Variants in ERICH6B observed in about 807,000 individuals in gnomAD.
ERICH6B encodes glutamate rich 6B.
ERICH6B carries 69 observed loss-of-function variants against 80.0 expected under a neutral mutation model. That is an observed-to-expected ratio of 0.86 (90% CI 0.71 to 1.05). The LOEUF (loss-of-function observed/expected upper bound fraction) is 1.05. Among genes scored for constraint, ERICH6B ranks in the 50% least tolerant of loss-of-function variants. The probability of loss-of-function intolerance (pLI) is 0.00; values close to 1 mark genes in which losing one functional copy is unlikely to be tolerated. For missense variants in ERICH6B, 754 were observed against 796.1 expected (o/e 0.95, Z 0.64); for synonymous variants, 283 against 291.9 (o/e 0.97, Z 0.31).
intron 2 of ERICH6B, among the ~76,000 whole-genome samples, chr13:45,599,909 G>A (rs182081633): frequency 2.0e-5 from 3 of 152,218 alleles, no homozygotes. Flanking sequence ...AATGGAAGCT[G>A]TGCCTGCAGT....
chr13:45,556,819 C>T (rs1874461345), intron 11 of ERICH6B, among the ~76,000 whole-genome samples: 1 of 151,966 alleles, frequency 6.6e-6, no homozygotes. Flanking sequence ...ACCACAGTTT[C>T]TTTATCCGCT....
At chr13:45,583,852 T>A (rs1185761484) in intron 5 of ERICH6B, among the ~76,000 whole-genome samples, 1 of 152,216 alleles carries the variant, frequency 6.6e-6, no homozygotes, top group East Asian at 1.9e-4. Context: ...CATCTTTTTC[T>A]TTATAAATTA....
chr13:45,574,462 C>G (rs1282704812), intron 8 of ERICH6B, among the ~76,000 whole-genome samples: 1 of 152,198 alleles, frequency 6.6e-6, no homozygotes, highest in African/African-American at 2.4e-5. Context: ...GGAGAGCACC[C>G]TTTTGAATTT....
At chr13:45,558,391 G>A (rs951808077) in intron 11 of ERICH6B, among the ~76,000 whole-genome samples, 20 of 152,188 alleles carry the variant, frequency 1.3e-4, no homozygotes, top group African/African-American at 4.6e-4. Flanking sequence ...AACAGTGACA[G>A]TTTGGCTTCC....
intron 11 of ERICH6B, among the ~76,000 whole-genome samples, chr13:45,560,900 G>A (rs538141685): frequency 6.6e-6 from 1 of 152,272 alleles, no homozygotes; most frequent in Admixed American, 6.5e-5. Context: ...TTGTTAGGGG[G>A]ATGGATCTAT....
rs747567399 is a variant in ERICH6B, at chr13:45,541,525, G to A, written c.2028C>T (p.Ala676=). 7.7e-6 allele frequency: 12 copies of A among 1,552,036 alleles called. No individual in the cohort carries two copies. Among genetic ancestry groups the A allele is most frequent in the Middle Eastern group, 1.7e-4 (1 of 5,996 alleles). ...TGTTGTCCATCAGTGATATACTGAC[G>A]GCCTCTATGAAGTTTTCCAGATCAG... ...TTPDLENFIE[A]VSISLMDNKY... The change falls in exon 15 of 15, where the codon GCC becomes GCT. Residue 676 remains alanine, a synonymous_variant. Transcript: ENST00000298738.
At chr13:45,547,059 G>A (rs772163985) in intron 13 of ERICH6B, among the ~76,000 whole-genome samples, 10 of 152,178 alleles carry the variant, frequency 6.6e-5, no homozygotes, top group African/African-American at 1.9e-4. Context: ...CCAGACTCTC[G>A]GTTCAAAGTC....
chr13:45,594,605 A>G (rs948697562), intron 3 of ERICH6B, among the ~76,000 whole-genome samples: 13 of 152,224 alleles, frequency 8.5e-5, no homozygotes, highest in Non-Finnish European at 1.3e-4. Flanking sequence ...CTCCAATGCA[A>G]CAACTAAATT....
chr13:45,611,034 G>A (rs1224182910), intron 1 of ERICH6B, among the ~76,000 whole-genome samples: 1 of 151,960 alleles, frequency 6.6e-6, no homozygotes, highest in Admixed American at 6.6e-5. Context: ...ATGTTGAGTT[G>A]GATAGTTAAT....
At chr13:45,541,752 TCTC>T in intron 14 of ERICH6B, 72 bp from the exon 15 acceptor site, 2 of 1,404,334 alleles carry the variant, frequency 1.4e-6, no homozygotes, top group East Asian at 2.5e-5. Flanking sequence ...CCAGGCCAGA[TCTC>T]CTGTGGCCAG....
intron 8 of ERICH6B, among the ~76,000 whole-genome samples, chr13:45,573,961 A>C (rs17066929): frequency 6.6e-6 from 1 of 152,154 alleles, no homozygotes; most frequent in Admixed American, 6.5e-5. Flanking sequence ...CCTTCATTGC[A>C]GTATTTCAGT....
At chr13:45,543,727 G>T (rs1873878958) in intron 14 of ERICH6B, among the ~76,000 whole-genome samples, 1 of 152,210 alleles carries the variant, frequency 6.6e-6, no homozygotes, top group South Asian at 2.1e-4. Context: ...AGTTTGTGCT[G>T]ATTTGTTCCA....
At chr13:45,590,580 C>T in intron 4 of ERICH6B, 69 bp downstream of exon 4, 2 of 1,448,028 alleles carry the variant, frequency 1.4e-6, no homozygotes, top group Non-Finnish European at 1.9e-6. Context: ...CTGTGTTCTC[C>T]AAGGGCTGCT....
chr13:45,544,641 G>A lies in ERICH6B; in HGVS notation c.1872+119C>T, dbSNP rs568546736. Reference sequence around the variant, plus strand: ...AACCAAAGTGGCCTTGTTTTTATACGGGTTGGCATATATAGAACAAGCCTG... The same window carrying A: ...AACCAAAGTGGCCTTGTTTTTATACAGGTTGGCATATATAGAACAAGCCTG... On this transcript the variant is annotated intron_variant, in intron 14 of 14. Coordinates refer to ENST00000298738, the MANE Select transcript of ERICH6B (RefSeq NM_182542.3). 385 of 774,020 alleles carry A rather than the reference G, an allele frequency of 5.0e-4. 4 individuals are homozygous for A. The highest frequency in any genetic ancestry group is 4.5e-3 in the African/African-American group (254 of 56,752). 47.9% of individuals were successfully genotyped at this position (774,020 alleles called of 1,614,324 possible). A position where few individuals can be genotyped will look rare whatever the true frequency, so the allele number is the denominator to read the frequency against.
intron 5 of ERICH6B, among the ~76,000 whole-genome samples, chr13:45,581,550 T>C (rs1456809126): frequency 6.6e-6 from 1 of 152,224 alleles, no homozygotes; most frequent in Non-Finnish European, 1.5e-5. Flanking sequence ...CTACTTTTTG[T>C]ATTTTTAGTA....
chr13:45,576,128 C>A (rs750038623), intron 7 of ERICH6B, among the ~76,000 whole-genome samples: 14 of 152,282 alleles, frequency 9.2e-5, no homozygotes, highest in Non-Finnish European at 2.1e-4. Flanking sequence ...ATTTTGGCTC[C>A]GTAGCAAAAA....
At chr13:45,585,583 G>T (rs1002271528) in intron 5 of ERICH6B, among the ~76,000 whole-genome samples, 1 of 152,128 alleles carries the variant, frequency 6.6e-6, no homozygotes, top group Admixed American at 6.5e-5. Flanking sequence ...CCAAGTAACT[G>T]CAGGAAACTG....
rs74070475 is a variant in ERICH6B, at chr13:45,555,006, G to C, written c.1408-4690C>G. Among the ~76,000 whole-genome samples the C allele has an allele frequency of 9.4e-3, 1,425 of 152,306 alleles. 24 individuals carry two copies. Among genetic ancestry groups the C allele is most frequent in the African/African-American group, 0.032 (1,341 of 41,554 alleles). On this transcript the variant is annotated intron_variant, in intron 11 of 14. Coordinates refer to ENST00000298738, the MANE Select transcript of ERICH6B (RefSeq NM_182542.3). ...AGCCCAACATGAATGGTAGGTGAGAGAGGATCCTCTGCTTAGAGATCTTGG... is the reference window on the plus strand; with the variant it reads ...AGCCCAACATGAATGGTAGGTGAGACAGGATCCTCTGCTTAGAGATCTTGG...
At chr13:45,557,014 A>G (rs1874470020) in intron 11 of ERICH6B, among the ~76,000 whole-genome samples, 1 of 152,176 alleles carries the variant, frequency 6.6e-6, no homozygotes, top group Non-Finnish European at 1.5e-5. Flanking sequence ...GAATCTCCAC[A>G]CTGTTTTCCA....
Sources: gnomAD v4.1 joint callset for allele counts (sites outside exome capture counted in the v4.1 genomes callset) on GRCh38, gnomAD v4.1.1 for gene constraint, MANE v1.5 for transcripts, NCBI Gene and HGNC (gene_info 2026-07-23, HGNC 2026-07-21) for gene names.